The following TMC5 variants were observed in gnomAD, a reference collection of about 807,000 sequenced individuals.
TMC5 encodes the protein transmembrane channel like 5.
TMC5 carries 86 observed loss-of-function variants against 110.5 expected under a neutral mutation model. That is an observed-to-expected ratio of 0.78 (90% CI 0.65 to 0.93). TMC5 has a LOEUF of 0.93. Among genes scored for constraint, TMC5 ranks in the 40% least tolerant of loss-of-function variants. The pLI is 0.00. For synonymous variants in TMC5, 455 were observed against 439.5 expected (o/e 1.04, Z -0.44); for missense variants, 1,144 against 1,222.8 (o/e 0.94, Z 0.96).
chr16:19,464,561 A>G (rs938198504), intron 8 of TMC5, among the ~76,000 whole-genome samples: 2 of 152,222 alleles, frequency 1.3e-5, no homozygotes, highest in African/African-American at 2.4e-5. Flanking sequence ...ACATATGGAC[A>G]CTTCTGTGCA....
At chr16:19,420,297 A>G (rs987653405) in intron 1 of TMC5, among the ~76,000 whole-genome samples, 3 of 152,078 alleles carry the variant, frequency 2.0e-5, no homozygotes, top group Admixed American at 6.6e-5. Context: ...GCATGGTGGC[A>G]CACACCTGTA....
intron 15 of TMC5, among the ~76,000 whole-genome samples, chr16:19,485,456 C>T (rs999390815): frequency 1.3e-5 from 2 of 152,062 alleles, no homozygotes; most frequent in Non-Finnish European, 2.9e-5. Flanking sequence ...GCCACCACGC[C>T]CAGCTAATTT....
chr16:19,496,688 C>T (rs558098431), intron 20 of TMC5, among the ~76,000 whole-genome samples: 1 of 151,536 alleles, frequency 6.6e-6, no homozygotes, highest in South Asian at 2.1e-4. Flanking sequence ...AGTTTGAGAC[C>T]GGCCTGACCA....
chr16:19,431,413 G>T (rs1400922789), intron 2 of TMC5, among the ~76,000 whole-genome samples: 1 of 151,916 alleles, frequency 6.6e-6, no homozygotes, highest in Non-Finnish European at 1.5e-5. Flanking sequence ...ATGGTGGCAG[G>T]TGCCTGTAAT....
At chr16:19,490,847 C>T (rs1327792323) in intron 18 of TMC5, among the ~76,000 whole-genome samples, 2 of 138,812 alleles carry the variant, frequency 1.4e-5, no homozygotes, top group Non-Finnish European at 3.1e-5. Context: ...CTTTCAGTTC[C>T]GTTCCTTTCC....
chr16:19,417,051 G>A (rs1296919005), upstream of TMC5, among the ~76,000 whole-genome samples: 28 of 120,812 alleles, frequency 2.3e-4, no homozygotes, highest in Non-Finnish European at 2.7e-4. Context: ...CCCAGATGGC[G>A]CCATTGCACT....
intron 12 of TMC5, 21 bp downstream of exon 12, chr16:19,474,297 A>G: frequency 1.2e-6 from 2 of 1,608,442 alleles, no homozygotes; most frequent in Non-Finnish European, 1.7e-6. Context: ...TGTCGCGCCC[A>G]ACACCAGCCT....
intron 5 of TMC5, among the ~76,000 whole-genome samples, chr16:19,459,802 C>T (rs954383830): frequency 2.0e-5 from 3 of 149,342 alleles, no homozygotes; most frequent in Non-Finnish European, 4.4e-5. Context: ...GTGGTAATCA[C>T]AACACTTTGG....
Position 19,485,549 on chromosome 16 carries a change from C to T in TMC5, c.2364-1396C>T, listed in dbSNP as rs1019016617. On this transcript the variant is annotated intron_variant, in intron 15 of 21. Transcript: ENST00000542583. ...CTAACCTCAGGTGATCTGCCCGCTT[C>T]GGCCTCCAAAAGTGATGAGATTACA... Among the ~76,000 whole-genome samples the T allele has an allele frequency of 6.6e-5, 10 of 152,216 alleles. No homozygotes were observed. The East Asian group carries it at 7.7e-4, about 12-fold the overall frequency.
chr16:19,467,715 T>A (rs937285669), intron 9 of TMC5, among the ~76,000 whole-genome samples: 1 of 151,394 alleles, frequency 6.6e-6, no homozygotes, highest in African/African-American at 2.4e-5. Flanking sequence ...CTCCTGACCT[T>A]AAGTGATCCA....
intron 2 of TMC5, among the ~76,000 whole-genome samples, chr16:19,432,157 A>G (rs1967209050): frequency 6.6e-6 from 1 of 152,198 alleles, no homozygotes; most frequent in Non-Finnish European, 1.5e-5. Flanking sequence ...TCTAGGATGT[A>G]ATTGATCCCT....
intron 15 of TMC5, among the ~76,000 whole-genome samples, chr16:19,485,971 G>A (rs1454136722): frequency 6.6e-6 from 1 of 152,222 alleles, no homozygotes; most frequent in East Asian, 1.9e-4. Context: ...AGGCATGTGG[G>A]ACATGCTAGC....
intron 21 of TMC5, 123 bp downstream of exon 21, chr16:19,497,286 C>T: frequency 9.8e-7 from 1 of 1,020,758 alleles, no homozygotes; most frequent in Non-Finnish European, 1.5e-6. Context: ...TCCAAACTGG[C>T]TTAAACAAAA....
At position 19,460,348 on chromosome 16, in the gene TMC5, G is replaced by T. The variant is rs1369784894; in HGVS notation, c.1148+14G>T. 5 of 1,559,062 alleles carry T rather than the reference G, an allele frequency of 3.2e-6. No homozygotes were observed. Among genetic ancestry groups the T allele is most frequent in the Non-Finnish European group, 3.5e-6 (4 of 1,140,278 alleles). On this transcript the variant is annotated intron_variant, in intron 6 of 21. Transcript: ENST00000542583. ...AAGGAACCTTAGGTATGGACTAAAGGCTTTTCTTCTTTCTCAGATTTCATG... is the reference window on the plus strand; with the variant it reads ...AAGGAACCTTAGGTATGGACTAAAGTCTTTTCTTCTTTCTCAGATTTCATG...
intron 2 of TMC5, among the ~76,000 whole-genome samples, chr16:19,435,624 G>A (rs1002011493): frequency 3.6e-4 from 54 of 151,868 alleles, no homozygotes; most frequent in African/African-American, 9.7e-4. Flanking sequence ...TTTAACCACC[G>A]CTCAAGATCA....
chr16:19,455,408 G>A (rs894781157), intron 5 of TMC5, among the ~76,000 whole-genome samples: 5 of 152,088 alleles, frequency 3.3e-5, no homozygotes, highest in African/African-American at 7.2e-5. Context: ...GCAACAGAGA[G>A]AGACTCTGTC....
chr16:19,453,601 AAG>A (rs1967798105), intron 5 of TMC5, among the ~76,000 whole-genome samples: 1 of 151,484 alleles, frequency 6.6e-6, no homozygotes. Flanking sequence ...AAAAAAAAAA[AAG>A]AAGAAAAAAG....
chr16:19,456,856 T>C (rs373186534), intron 5 of TMC5: 1 of 1,614,076 alleles, frequency 6.2e-7, no homozygotes, highest in African/African-American at 1.3e-5. Context: ...TATCTGACAT[T>C]GATGTGATAG....
intron 1 of TMC5, among the ~76,000 whole-genome samples, chr16:19,425,206 C>T (rs1400338780): frequency 6.6e-6 from 1 of 152,126 alleles, no homozygotes; most frequent in Non-Finnish European, 1.5e-5. Flanking sequence ...TGAAAACTAC[C>T]TGGCTTCAAA....
Sources: allele counts gnomAD v4.1 joint callset (sites outside exome capture counted in the v4.1 genomes callset), GRCh38; gene constraint gnomAD v4.1.1; transcripts MANE v1.5; gene names NCBI Gene and HGNC (gene_info 2026-07-23, HGNC 2026-07-21).